Variants in CSMD1 observed in about 807,000 individuals in gnomAD.
CSMD1 encodes CUB and sushi domain-containing protein 1.
In CSMD1, 213 loss-of-function variants were observed where a neutral mutation model predicts 417.5. The ratio of observed to expected loss-of-function variants is 0.51; its 90% CI spans 0.46 to 0.57. CSMD1 has a LOEUF of 0.57. Among genes scored for constraint, CSMD1 ranks in the 20% least tolerant of loss-of-function variants. The pLI is 0.00. For missense variants in CSMD1, 6,923 were observed against 4,529.7 expected (o/e 1.53, Z -15.17); for synonymous variants, 2,862 against 1,736.8 (o/e 1.65, Z -16.11).
rs183020386 is a variant in CSMD1 at position 3,942,115 on chromosome 8, G to C, written c.818+55788C>G. ...GTGAGAATCTAATGCCTGATGATCT[G>C]TCACGCTGAGATGGGATCGTCACCC... On this transcript the variant is annotated intron_variant, in intron 5 of 69. Transcript: ENST00000635120. Among the ~76,000 whole-genome samples the C allele has an allele frequency of 2.0e-4, 30 of 152,080 alleles. 1 individual carries two copies. The highest frequency in any genetic ancestry group is 1.7e-3 in the East Asian group (9 of 5,166).
chr8:4,268,554 G>C (rs1339029711), intron 3 of CSMD1, among the ~76,000 whole-genome samples: 2 of 152,092 alleles, frequency 1.3e-5, no homozygotes. Flanking sequence ...TCACTTACTT[G>C]AAAGATTAGA....
chr8:4,161,891 G>A lies in CSMD1; in HGVS notation c.416-129792C>T, dbSNP rs972423. Among the ~76,000 whole-genome samples the A allele has an allele frequency of 2.9e-4, 44 of 152,046 alleles. No individual in the cohort carries two copies. In the Middle Eastern group the frequency reaches 0.017, roughly 59 times the overall value. On this transcript the variant is annotated intron_variant, in intron 3 of 69. Transcript: ENST00000635120. ...TTCTTTTAGATTTTATAATGGTTCAGTAAGTCAAGACTTCATCAGTTCATA... is the reference window on the plus strand; with the variant it reads ...TTCTTTTAGATTTTATAATGGTTCAATAAGTCAAGACTTCATCAGTTCATA...
At chr8:4,255,896 T>A (rs868735538) in intron 3 of CSMD1, among the ~76,000 whole-genome samples, 1 of 152,196 alleles carries the variant, frequency 6.6e-6, no homozygotes, top group Non-Finnish European at 1.5e-5. Flanking sequence ...GGTAAACCCA[T>A]GAGGGCAGAG....
chr8:3,237,283 T>A (rs1234865266), intron 26 of CSMD1, among the ~76,000 whole-genome samples: 1 of 151,628 alleles, frequency 6.6e-6, no homozygotes, highest in South Asian at 2.1e-4. Flanking sequence ...CTGACCAACA[T>A]GGTGAAACCC....
At chr8:4,448,409 G>C (rs1218938531) in intron 2 of CSMD1, among the ~76,000 whole-genome samples, 1 of 152,178 alleles carries the variant, frequency 6.6e-6, no homozygotes, top group Non-Finnish European at 1.5e-5. Context: ...CAGTAACCCT[G>C]TGTGCCCTGA....
intron 3 of CSMD1, among the ~76,000 whole-genome samples, chr8:4,203,161 G>A (rs1206213659): frequency 6.6e-6 from 1 of 152,158 alleles, no homozygotes; most frequent in African/African-American, 2.4e-5. Flanking sequence ...TCAGGTCAGA[G>A]GGACATGTCA....
In CSMD1 at chr8:3,300,690, C is replaced by T. The variant is rs1174223718; in HGVS notation, c.3950+7005G>A. On this transcript the variant is annotated intron_variant, in intron 25 of 69. Transcript: ENST00000635120. Reference sequence around the variant, plus strand: ...AATTAGAAATGGCCAGGCCTGGTGGCTCACGCTTCTAATCCCAGTGCTTTG... The same window carrying T: ...AATTAGAAATGGCCAGGCCTGGTGGTTCACGCTTCTAATCCCAGTGCTTTG... Among the ~76,000 whole-genome samples the T allele has an allele frequency of 2.0e-5, 3 of 152,030 alleles. No homozygotes were observed. The East Asian group carries it at 5.8e-4, about 29-fold the overall frequency.
chr8:4,819,784 C>G (rs911218862), intron 1 of CSMD1, among the ~76,000 whole-genome samples: 2 of 151,940 alleles, frequency 1.3e-5, no homozygotes, highest in Admixed American at 6.6e-5. Context: ...AAACAGGAGT[C>G]AATGCTAAGG....
intron 1 of CSMD1, chr8:4,788,550 A>C: frequency 7.2e-7 from 1 of 1,389,186 alleles, no homozygotes; most frequent in Non-Finnish European, 9.9e-7. Flanking sequence ...ATTTCCTTGA[A>C]GCAGGCTGAC....
At chr8:3,380,885 T>C (rs1444952507) in intron 18 of CSMD1, among the ~76,000 whole-genome samples, 3 of 150,828 alleles carry the variant, frequency 2.0e-5, no homozygotes, top group South Asian at 4.2e-4. Context: ...GAACTTAAAG[T>C]ATAATGAAAA....
chr8:3,857,560 C>G (rs1315751253), intron 5 of CSMD1, among the ~76,000 whole-genome samples: 2 of 152,162 alleles, frequency 1.3e-5, no homozygotes, highest in Admixed American at 6.6e-5. Flanking sequence ...GAGTCGTCTT[C>G]CACACCTGTT....
intron 7 of CSMD1, among the ~76,000 whole-genome samples, chr8:3,649,803 A>C (rs1169621805): frequency 6.6e-6 from 1 of 152,206 alleles, no homozygotes; most frequent in Non-Finnish European, 1.5e-5. Context: ...TGGTCTTATT[A>C]CAATGTAAGT....
intron 26 of CSMD1, among the ~76,000 whole-genome samples, chr8:3,241,293 G>T (rs1186408116): frequency 1.3e-5 from 2 of 150,636 alleles, no homozygotes; most frequent in African/African-American, 4.9e-5. Context: ...TAGAAGCCTG[G>T]CCGTCAATAC....
chr8:4,025,695 G>C (rs1797024995), intron 4 of CSMD1, among the ~76,000 whole-genome samples: 1 of 152,088 alleles, frequency 6.6e-6, no homozygotes, highest in Non-Finnish European at 1.5e-5. Context: ...ATAACGAATA[G>C]TTGAAAGATT....
intron 12 of CSMD1, among the ~76,000 whole-genome samples, chr8:3,440,568 T>C (rs1255217048): frequency 3.9e-5 from 6 of 152,174 alleles, no homozygotes; most frequent in African/African-American, 1.4e-4. Flanking sequence ...GGAAATTCTA[T>C]CTAGACGATC....
chr8:4,319,548 T>G (rs903921222), intron 3 of CSMD1, among the ~76,000 whole-genome samples: 4 of 151,818 alleles, frequency 2.6e-5, no homozygotes, highest in African/African-American at 7.3e-5. Context: ...GTCACAGAAA[T>G]AAAGGAAACA....
At chr8:3,825,501 C>A (rs765071188) in intron 5 of CSMD1, among the ~76,000 whole-genome samples, 25 of 152,182 alleles carry the variant, frequency 1.6e-4, no homozygotes, top group Admixed American at 3.9e-4. Flanking sequence ...AAACAAAAAG[C>A]CCTTGAGAAG....
chr8:3,657,270 T>C (rs1287719171), intron 7 of CSMD1, among the ~76,000 whole-genome samples: 1 of 152,016 alleles, frequency 6.6e-6, no homozygotes, highest in African/African-American at 2.4e-5. Context: ...ATGCCAACAG[T>C]GAACAATCTG....
rs1187143813 is a variant in CSMD1, at chr8:4,348,033, C to A, written c.415+71920G>T. ...ACTATATGCATAAAGAGGAAAAAAA[C>A]AGATTAGTTACAACATACTCCAAAA... On this transcript the variant is annotated intron_variant, in intron 3 of 69. Transcript: ENST00000635120. 2.6e-5 allele frequency among the ~76,000 whole-genome samples: 4 copies of A among 152,048 alleles called. No individual in the cohort carries two copies. In the South Asian group the frequency reaches 6.2e-4, roughly 24 times the overall value.
Sources: allele counts gnomAD v4.1 joint callset (sites outside exome capture counted in the v4.1 genomes callset), GRCh38; gene constraint gnomAD v4.1.1; transcripts MANE v1.5; gene names NCBI Gene and HGNC (gene_info 2026-07-23, HGNC 2026-07-21).